CDIN1: variants seen among roughly 807,000 people sequenced by gnomAD.
CDIN1 encodes the protein CDAN1 interacting nuclease 1.
Under a neutral mutation model 45.3 loss-of-function variants are expected in CDIN1, and 33 were observed. The observed-to-expected ratio is 0.73, with a 90% CI of 0.55 to 0.97. The LOEUF is 0.97. Ranked by LOEUF, CDIN1 falls within the 50% of genes least tolerant of loss-of-function variation. CDIN1 has a pLI of 0.00. For synonymous variants in CDIN1, 118 were observed against 124.4 expected (o/e 0.95, Z 0.34); for missense variants, 303 against 339.4 (o/e 0.89, Z 0.84).
Position 36,765,057 on chromosome 15 carries a change from C to CTTTTTTTTTTTTTTTTTTT in CDIN1, c.717-43264_717-43263insTTTTTTTTTTTTTTTTTTT, listed in dbSNP as rs377685100. Among the ~76,000 whole-genome samples the CTTTTTTTTTTTTTTTTTTT allele has an allele frequency of 3.6e-5, 5 of 139,642 alleles. 1 individual carries two copies. The highest frequency in any genetic ancestry group is 5.3e-5 in the African/African-American group (2 of 37,790). The allele number at this position is 139,642 out of a possible 152,430, so 91.6% of individuals were successfully genotyped here. A position where few individuals can be genotyped will look rare whatever the true frequency, so the allele number is the denominator to read the frequency against. ...ATTTTCTTTTCTTTTATTTTTCTTT[C>CTTTTTTTTTTTTTTTTTTT]TTTCTTTTTTTTTTTTTAGATGGAG... On this transcript the variant is annotated intron_variant, in intron 10 of 10. Transcript: ENST00000566621.
At chr15:36,742,611 C>CTTGA (rs1238903977) in intron 10 of CDIN1, among the ~76,000 whole-genome samples, 4 of 152,164 alleles carry the variant, frequency 2.6e-5, no homozygotes, top group African/African-American at 9.7e-5. Flanking sequence ...CCCCAATGTG[C>CTTGA]TTGAGTTGAG....
intron 8 of CDIN1, among the ~76,000 whole-genome samples, chr15:36,699,821 G>A (rs988933876): frequency 6.6e-6 from 1 of 152,148 alleles, no homozygotes; most frequent in Non-Finnish European, 1.5e-5. Flanking sequence ...CTATAGGAAA[G>A]AAAAACAGAA....
chr15:36,584,407 C>T (rs950680766), intron 1 of CDIN1, among the ~76,000 whole-genome samples: 1 of 152,100 alleles, frequency 6.6e-6, no homozygotes, highest in African/African-American at 2.4e-5. Flanking sequence ...TGCAGTCCAG[C>T]CTGAGCCACA....
intron 5 of CDIN1, among the ~76,000 whole-genome samples, chr15:36,676,394 A>C (rs2041651075): frequency 6.6e-6 from 1 of 152,172 alleles, no homozygotes; most frequent in East Asian, 1.9e-4. Context: ...TGAGGCAGAC[A>C]CCATGATGTT....
intron 8 of CDIN1, among the ~76,000 whole-genome samples, chr15:36,703,315 TATATACATATATCAGATAGATCTATCAG>T: frequency 7.5e-6 from 1 of 134,176 alleles, no homozygotes; most frequent in South Asian, 2.3e-4. Context: ...ATCTATCAGA[TATATACATATATCAGATAGATCTATCAG>T]ATATATACAT....
At chr15:36,698,410 C>A (rs1355343755) in intron 8 of CDIN1, among the ~76,000 whole-genome samples, 1 of 152,128 alleles carries the variant, frequency 6.6e-6, no homozygotes, top group African/African-American at 2.4e-5. Context: ...CAAGTGTTCT[C>A]AAGTCACTAA....
rs527353020 is a variant in CDIN1, at chr15:36,735,246, C to A, written c.716+25285C>A. ...GTTATTCTTTCAATATGATGAATTA[C>A]GTCAGTTTATTGCATATGTCTGCAT... On this transcript the variant is annotated intron_variant, in intron 10 of 10. Transcript: ENST00000566621. 2.0e-5 allele frequency among the ~76,000 whole-genome samples: 3 copies of A among 152,080 alleles called. No homozygotes were observed. In the East Asian group the frequency reaches 5.8e-4, roughly 29 times the overall value.
chr15:36,690,409 C>T (rs1476420095), intron 5 of CDIN1, among the ~76,000 whole-genome samples: 2 of 151,830 alleles, frequency 1.3e-5, no homozygotes, highest in Admixed American at 6.6e-5. Flanking sequence ...GCTGGGACTA[C>T]AGGCGCCCAC....
intron 5 of CDIN1, among the ~76,000 whole-genome samples, chr15:36,686,141 C>T (rs1237663177): frequency 6.6e-6 from 1 of 152,058 alleles, no homozygotes; most frequent in Non-Finnish European, 1.5e-5. Context: ...TTCACGATAG[C>T]AAAGACTTGG....
chr15:36,692,259 G>A, intron 7 of CDIN1, 84 bp downstream of exon 7: 2 of 1,322,302 alleles, frequency 1.5e-6, no homozygotes, highest in South Asian at 2.6e-5. Context: ...CTGACATAAA[G>A]TTCTGCTTCA....
chr15:36,756,816 C>T (rs966143243), intron 10 of CDIN1, among the ~76,000 whole-genome samples: 3 of 152,064 alleles, frequency 2.0e-5, no homozygotes, highest in Admixed American at 6.6e-5. Flanking sequence ...TGAGGGACCC[C>T]GTAGCATTAC....
At chr15:36,649,822 G>C (rs1457209821) in intron 3 of CDIN1, among the ~76,000 whole-genome samples, 1 of 152,176 alleles carries the variant, frequency 6.6e-6, no homozygotes, top group Non-Finnish European at 1.5e-5. Context: ...CACTTCTCTT[G>C]CTGCATTTTA....
At chr15:36,683,389 G>A in intron 5 of CDIN1, among the ~76,000 whole-genome samples, 2 of 108,090 alleles carry the variant, frequency 1.9e-5, no homozygotes, top group East Asian at 2.6e-4. Flanking sequence ...GATAGTTGTA[G>A]ATATGCGGCG....
intron 10 of CDIN1, among the ~76,000 whole-genome samples, chr15:36,797,696 G>T (rs986639954): frequency 6.6e-6 from 1 of 151,874 alleles, no homozygotes; most frequent in Non-Finnish European, 1.5e-5. Flanking sequence ...ATGACTTTCC[G>T]TGGCCAGGCA....
At chr15:36,669,532 T>C (rs2041369699) in intron 5 of CDIN1, among the ~76,000 whole-genome samples, 1 of 151,330 alleles carries the variant, frequency 6.6e-6, no homozygotes, top group South Asian at 2.1e-4. Flanking sequence ...CCTAATGTTA[T>C]CATCTTATAT....
At chr15:36,800,261 G>T (rs1475650445) in intron 10 of CDIN1, among the ~76,000 whole-genome samples, 1 of 152,090 alleles carries the variant, frequency 6.6e-6, no homozygotes, top group Non-Finnish European at 1.5e-5. Context: ...TCATAACTAG[G>T]TTCTCTTTCT....
intron 2 of CDIN1, among the ~76,000 whole-genome samples, chr15:36,645,006 A>G (rs1345707082): frequency 6.6e-6 from 1 of 152,204 alleles, no homozygotes; most frequent in African/African-American, 2.4e-5. Flanking sequence ...ACCTTGTGGT[A>G]CAGTCTGAAG....
rs925904275 is a variant in CDIN1 at position 36,809,477 on chromosome 15, T to A, written c.*1024T>A. 15 of 152,174 alleles carry A rather than the reference T, an allele frequency of 9.9e-5. No individual in the cohort carries two copies. The highest frequency in any genetic ancestry group is 3.6e-4 in the African/African-American group (15 of 41,392). The allele number at this position is 152,174 out of a possible 1,614,324, so 9.4% of individuals were successfully genotyped here. A position where few individuals can be genotyped will look rare whatever the true frequency, so the allele number is the denominator to read the frequency against. On this transcript the variant is annotated 3_prime_UTR_variant, in exon 11 of 11. Coordinates refer to ENST00000566621, the MANE Select transcript of CDIN1 (RefSeq NM_001321759.2). ...TTTTAAATAAGCAAAATAAAGGAGA[T>A]TTTTCTATTTGTTCACTTTAATTTA...
intron 10 of CDIN1, among the ~76,000 whole-genome samples, chr15:36,781,856 C>G (rs2054361744): frequency 6.6e-6 from 1 of 152,228 alleles, no homozygotes; most frequent in Non-Finnish European, 1.5e-5. Context: ...GGGTCAGGCC[C>G]TGTGCTTGGC....
Sources: gnomAD v4.1 joint callset for allele counts (sites outside exome capture counted in the v4.1 genomes callset) on GRCh38, gnomAD v4.1.1 for gene constraint, MANE v1.5 for transcripts, NCBI Gene and HGNC (gene_info 2026-07-23, HGNC 2026-07-21) for gene names.